CPQ: variants seen among roughly 807,000 people sequenced by gnomAD.
CPQ encodes Ser-Met dipeptidase.
A neutral mutation model predicts 45.7 loss-of-function variants in CPQ; 37 were observed. That is an observed-to-expected ratio of 0.81 (90% CI 0.62 to 1.07). The LOEUF is 1.07. Among genes scored for constraint, CPQ ranks in the 50% least tolerant of loss-of-function variants. The pLI, the probability that CPQ is intolerant of heterozygous loss-of-function variation, is 0.00. For synonymous variants in CPQ, 186 were observed against 205.8 expected (o/e 0.90, Z 0.82); for missense variants, 537 against 572.9 (o/e 0.94, Z 0.64).
chr8:96,820,722 AC>A (rs1185995740), intron 2 of CPQ, among the ~76,000 whole-genome samples: 1 of 152,070 alleles, frequency 6.6e-6, no homozygotes, highest in Non-Finnish European at 1.5e-5. Context: ...GTTGATGGGT[AC>A]TTAGCTTGAT....
chr8:97,143,081 C>T lies in CPQ; in HGVS notation c.1317C>T (p.Thr439=). The T allele has an allele frequency of 6.2e-7, 1 of 1,613,926 alleles. No individual in the cohort carries two copies. Among genetic ancestry groups the T allele is most frequent in the Non-Finnish European group, 8.5e-7 (1 of 1,179,916 alleles). Reference sequence around the variant, plus strand: ...TCTTCCATCACTCCCACGGAGACACCATGACTGTCATGGATCCAAAGCAGA... The same window carrying T: ...TCTTCCATCACTCCCACGGAGACACTATGACTGTCATGGATCCAAAGCAGA... ...YFFFHHSHGD[T]MTVMDPKQMN... The change falls in exon 8 of 8, where the codon ACC becomes ACT. Residue 439 remains threonine (T), a synonymous_variant. Coordinates refer to ENST00000220763, the MANE Select transcript of CPQ (RefSeq NM_016134.4).
At chr8:96,774,099 C>T (rs1404487765) in intron 1 of CPQ, among the ~76,000 whole-genome samples, 10 of 151,974 alleles carry the variant, frequency 6.6e-5, no homozygotes. Flanking sequence ...GGTAAAATCC[C>T]ATCTCTACTA....
At chr8:97,049,787 A>G (rs908342516) in intron 6 of CPQ, among the ~76,000 whole-genome samples, 3 of 152,230 alleles carry the variant, frequency 2.0e-5, no homozygotes, top group Non-Finnish European at 4.4e-5. Flanking sequence ...AAATACCTTC[A>G]ATCCAGAGTC....
At chr8:96,816,779 C>T (rs887279258) in intron 2 of CPQ, among the ~76,000 whole-genome samples, 2 of 152,096 alleles carry the variant, frequency 1.3e-5, no homozygotes, top group Non-Finnish European at 2.9e-5. Flanking sequence ...TGAACAGGTG[C>T]CATGCCAATT....
intron 1 of CPQ, among the ~76,000 whole-genome samples, chr8:96,705,042 T>G (rs1809514923): frequency 6.6e-6 from 1 of 152,098 alleles, no homozygotes. Context: ...AGGGCTTCAT[T>G]CAGGCTAATC....
At chr8:96,654,573 T>C (rs1464438698) in intron 1 of CPQ, among the ~76,000 whole-genome samples, 1 of 152,076 alleles carries the variant, frequency 6.6e-6, no homozygotes, top group Non-Finnish European at 1.5e-5. Context: ...GATGTTGCGT[T>C]TGGGGGCAAG....
intron 4 of CPQ, among the ~76,000 whole-genome samples, chr8:96,915,250 C>T (rs1812716871): frequency 6.6e-6 from 1 of 152,082 alleles, no homozygotes; most frequent in Non-Finnish European, 1.5e-5. Context: ...CCGTGCCTCT[C>T]CTGTGTCCAA....
chr8:97,012,913 T>C (rs776420530), intron 5 of CPQ, among the ~76,000 whole-genome samples: 18 of 152,232 alleles, frequency 1.2e-4, no homozygotes, highest in African/African-American at 3.6e-4. Flanking sequence ...CTTCCCATAA[T>C]TGAAGAATGA....
At chr8:96,676,336 C>A (rs1809076143) in intron 1 of CPQ, among the ~76,000 whole-genome samples, 1 of 151,924 alleles carries the variant, frequency 6.6e-6, no homozygotes, top group African/African-American at 2.4e-5. Flanking sequence ...TTTTTAGCTA[C>A]CACATGTAAG....
At chr8:96,786,993 A>G (rs765264557) in intron 2 of CPQ, among the ~76,000 whole-genome samples, 1 of 151,532 alleles carries the variant, frequency 6.6e-6, no homozygotes, top group Non-Finnish European at 1.5e-5. Flanking sequence ...TTTTTTTTTG[A>G]TGGCAATATT....
chr8:97,020,609 AACT>A (rs1204176736), intron 5 of CPQ, among the ~76,000 whole-genome samples: 1 of 152,216 alleles, frequency 6.6e-6, no homozygotes, highest in South Asian at 2.1e-4. Context: ...TATGTGCATA[AACT>A]AGAAAACCTA....
intron 4 of CPQ, among the ~76,000 whole-genome samples, chr8:96,923,707 G>T (rs1363140690): frequency 6.6e-6 from 1 of 152,148 alleles, no homozygotes; most frequent in Non-Finnish European, 1.5e-5. Context: ...TTTCAGTTTG[G>T]TTATTCAAAG....
At chr8:96,720,535 A>G (rs938959272) in intron 1 of CPQ, among the ~76,000 whole-genome samples, 1 of 152,176 alleles carries the variant, frequency 6.6e-6, no homozygotes, top group Non-Finnish European at 1.5e-5. Context: ...AGCCCCTATA[A>G]ATTACTAGGA....
At chr8:96,791,419 G>A (rs772859816) in intron 2 of CPQ, among the ~76,000 whole-genome samples, 3 of 151,866 alleles carry the variant, frequency 2.0e-5, no homozygotes, top group Non-Finnish European at 4.4e-5. Context: ...CTTTCTCATT[G>A]TCATTTCTGA....
In CPQ at chr8:96,764,834, C is replaced by T. The variant is rs553025921; in HGVS notation, c.-34-20030C>T. Among the ~76,000 whole-genome samples, 8 of 152,232 alleles carry T rather than the reference C, an allele frequency of 5.3e-5. No homozygotes were observed. In the East Asian group the frequency reaches 1.5e-3, roughly 29 times the overall value. ...ATGCAGCATGAAACCACCCAAATGCCAAGACAAATTGAGAAAGGTTGACCT... is the reference window on the plus strand; with the variant it reads ...ATGCAGCATGAAACCACCCAAATGCTAAGACAAATTGAGAAAGGTTGACCT... On this transcript the variant is annotated intron_variant, in intron 1 of 7. Transcript: ENST00000220763.
At chr8:96,733,831 G>A (rs1209928238) in intron 1 of CPQ, among the ~76,000 whole-genome samples, 1 of 152,144 alleles carries the variant, frequency 6.6e-6, no homozygotes, top group Admixed American at 6.5e-5. Flanking sequence ...GTGCTCAATA[G>A]CTGAGTGTGG....
chr8:96,916,434 A>T (rs1055997230), intron 4 of CPQ, among the ~76,000 whole-genome samples: 8 of 152,178 alleles, frequency 5.3e-5, no homozygotes, highest in Non-Finnish European at 1.2e-4. Context: ...TAAAATGGAG[A>T]GTTCGAGCAG....
chr8:96,975,685 T>C (rs1390384631), intron 5 of CPQ, among the ~76,000 whole-genome samples: 1 of 152,060 alleles, frequency 6.6e-6, no homozygotes, highest in Non-Finnish European at 1.5e-5. Flanking sequence ...AGGGTTGATT[T>C]AAGAGACATA....
At chr8:97,104,279 C>A (rs936507703) in intron 7 of CPQ, among the ~76,000 whole-genome samples, 2 of 150,710 alleles carry the variant, frequency 1.3e-5, no homozygotes, top group Admixed American at 6.6e-5. Flanking sequence ...GTAAACTAAA[C>A]CATCCCAAAG....
Sources: allele counts gnomAD v4.1 joint callset (sites outside exome capture counted in the v4.1 genomes callset), GRCh38; gene constraint gnomAD v4.1.1; transcripts MANE v1.5; gene names NCBI Gene and HGNC (gene_info 2026-07-23, HGNC 2026-07-21).